NLGN4X: variants seen among roughly 807,000 people sequenced by gnomAD.
NLGN4X encodes the protein neuroligin 4 X-linked, also known as neuroligin-4, X-linked.
NLGN4X carries 3 observed loss-of-function variants against 40.3 expected under a neutral mutation model. That is an observed-to-expected ratio of 0.07 (90% CI 0.03 to 0.19). NLGN4X has a LOEUF of 0.19. Among genes scored for constraint, NLGN4X ranks in the 10% least tolerant of loss-of-function variants. The pLI, the probability that NLGN4X is intolerant of heterozygous loss-of-function variation, is 1.00. For synonymous variants in NLGN4X, 270 were observed against 306.8 expected, an observed-to-expected ratio of 0.88 and a Z score of 1.25; for missense variants, 382 against 708.3, an observed-to-expected ratio of 0.54 and a Z score of 5.23.
Position 6,175,712 on chromosome X carries a change from G to T in NLGN4X, c.-305-23941C>A, listed in dbSNP as rs771064750. On this transcript the variant is annotated intron_variant, in intron 1 of 5. Coordinates refer to ENST00000381095, the MANE Select transcript of NLGN4X (RefSeq NM_181332.3). ...CACCTGAGCAGACAGTTTTCCAAGG[G>T]TGTCTCCAAGGATCATTTAATTTTC... 8.5e-5 allele frequency among the ~76,000 whole-genome samples: 9 copies of T among 105,292 alleles called. No homozygotes were observed. The East Asian group carries it at 2.6e-3, about 31-fold the overall frequency. 91.4% of individuals were successfully genotyped at this position (105,292 alleles called of 115,157 possible).
intron 2 of NLGN4X, among the ~76,000 whole-genome samples, chrX:6,122,996 G>A (rs2039458224): frequency 9.2e-6 from 1 of 108,443 alleles, no homozygotes; most frequent in African/African-American, 3.4e-5. Flanking sequence ...GGAAATAGAA[G>A]TGTTACCAGT....
At chrX:5,898,474 G>A (rs923517203) in intron 5 of NLGN4X, among the ~76,000 whole-genome samples, 1 of 110,473 alleles carries the variant, frequency 9.1e-6, no homozygotes, top group South Asian at 3.9e-4. Context: ...TTCAAACCTA[G>A]ACTAAAGGTC....
intron 2 of NLGN4X, among the ~76,000 whole-genome samples, chrX:6,067,453 C>T (rs2037950284): frequency 9.0e-6 from 1 of 111,644 alleles, no homozygotes; most frequent in African/African-American, 3.3e-5. Flanking sequence ...CACACACACA[C>T]ACACAGACTT....
At chrX:5,991,962 G>A (rs1327681133) in intron 3 of NLGN4X, among the ~76,000 whole-genome samples, 2 of 112,083 alleles carry the variant, frequency 1.8e-5, no homozygotes, top group Non-Finnish European at 3.8e-5. Context: ...CTGATAGAAG[G>A]AGTTTTGTGT....
At chrX:5,971,141 G>GT (rs2035009650) in intron 3 of NLGN4X, among the ~76,000 whole-genome samples, 2 of 111,682 alleles carry the variant, frequency 1.8e-5, no homozygotes, top group African/African-American at 6.5e-5. Context: ...AGAAATAATT[G>GT]TAAGAACCCA....
At chrX:6,221,056 G>A (rs773625883) in intron 1 of NLGN4X, among the ~76,000 whole-genome samples, 1 of 108,711 alleles carries the variant, frequency 9.2e-6, no homozygotes, top group African/African-American at 3.3e-5. Context: ...AACTTTCATT[G>A]TACATTTTCT....
intron 2 of NLGN4X, among the ~76,000 whole-genome samples, chrX:6,083,089 G>T (rs1447515195): frequency 9.8e-6 from 1 of 102,306 alleles, no homozygotes; most frequent in Non-Finnish European, 2.0e-5. Context: ...CTCCCGAGTA[G>T]CTGGGACTAC....
At chrX:6,204,401 T>C (rs1266218956) in intron 1 of NLGN4X, among the ~76,000 whole-genome samples, 1 of 111,975 alleles carries the variant, frequency 8.9e-6, no homozygotes, top group Non-Finnish European at 1.9e-5. Context: ...TCACAGTCCA[T>C]AGCACATGGT....
chrX:6,163,554 C>T (rs1048897897), intron 1 of NLGN4X, among the ~76,000 whole-genome samples: 2 of 112,183 alleles, frequency 1.8e-5, no homozygotes. Flanking sequence ...CTGTGGTCCA[C>T]TGCCTCCCAC....
intron 3 of NLGN4X, among the ~76,000 whole-genome samples, chrX:6,018,362 A>C (rs2036446169): frequency 1.8e-5 from 2 of 112,287 alleles, no homozygotes; most frequent in African/African-American, 6.5e-5. Flanking sequence ...TATTTCTTAA[A>C]ACAAACAGGA....
At chrX:6,009,788 G>A (rs747520887) in intron 3 of NLGN4X, among the ~76,000 whole-genome samples, 14 of 112,268 alleles carry the variant, frequency 1.2e-4, no homozygotes, top group Non-Finnish European at 2.4e-4. Context: ...GGTTGTCCAG[G>A]CCCGTGGGAA....
chrX:5,967,117 C>A (rs762893901), intron 3 of NLGN4X, among the ~76,000 whole-genome samples: 36 of 111,324 alleles, frequency 3.2e-4, no homozygotes, highest in Non-Finnish European at 5.7e-4. Flanking sequence ...CTGTAGTTGA[C>A]AGAATGAGGC....
chrX:6,228,619 G>T lies in NLGN4X; in HGVS notation c.-384C>A, dbSNP rs1193557189. The T allele has an allele frequency of 9.0e-6, 1 of 111,226 alleles. No individual in the cohort carries two copies. The highest frequency in any genetic ancestry group is 1.9e-5 in the Non-Finnish European group (1 of 53,090). 9.2% of individuals were successfully genotyped at this position (111,226 alleles called of 1,213,427 possible). ...ATTTTTCTAGGGAACCCGAAACGAG[G>T]TATGATTCAGGAGGATGTATTGAAA... On this transcript the variant is annotated 5_prime_UTR_variant, in exon 1 of 6. Transcript: ENST00000381095.
intron 3 of NLGN4X, among the ~76,000 whole-genome samples, chrX:5,914,385 A>G (rs924091779): frequency 8.1e-5 from 9 of 111,280 alleles, no homozygotes; most frequent in African/African-American, 2.9e-4. Flanking sequence ...AAGGAACCCA[A>G]TGGGGTCAGA....
chrX:6,042,580 G>A (rs2147262985), intron 2 of NLGN4X, among the ~76,000 whole-genome samples: 1 of 101,260 alleles, frequency 9.9e-6, no homozygotes, highest in East Asian at 3.2e-4. Flanking sequence ...ATTTTTAAAT[G>A]TATGTTTATT....
chrX:5,978,846 C>CT (rs904759162), intron 3 of NLGN4X, among the ~76,000 whole-genome samples: 45 of 111,726 alleles, frequency 4.0e-4, no homozygotes, highest in African/African-American at 1.5e-3. Context: ...TGGCATGCAC[C>CT]TGTAGTCCCA....
intron 3 of NLGN4X, among the ~76,000 whole-genome samples, chrX:6,002,279 G>A (rs2035991495): frequency 8.9e-6 from 1 of 111,829 alleles, no homozygotes; most frequent in African/African-American, 3.3e-5. Context: ...GGTCATATGT[G>A]CCTCATGACC....
intron 3 of NLGN4X, among the ~76,000 whole-genome samples, chrX:5,992,142 G>C (rs895451939): frequency 9.0e-6 from 1 of 111,646 alleles, no homozygotes; most frequent in African/African-American, 3.3e-5. Context: ...TTTAGAGTTG[G>C]ACCTAATGAG....
rs2031216025 is a variant in NLGN4X, at chrX:5,892,257, C to CATACA, written c.*559_*560insTGTAT. 1.5e-5 allele frequency: 2 copies of CATACA among 135,630 alleles called. No individual in the cohort carries two copies. The highest frequency in any genetic ancestry group is 6.4e-5 in the African/African-American group (2 of 31,022). The allele number at this position is 135,630 out of a possible 1,213,427, so 11.2% of individuals were successfully genotyped here. A position where few individuals can be genotyped will look rare whatever the true frequency, so the allele number is the denominator to read the frequency against. ...GGCAAAACACCTCTTTGCACAGAAC[C>CATACA]GTACAGATTTCGCTGCACAGTCCAT... On this transcript the variant is annotated 3_prime_UTR_variant, in exon 6 of 6. Transcript: ENST00000381095.
Sources: allele counts gnomAD v4.1 joint callset (sites outside exome capture counted in the v4.1 genomes callset), GRCh38; gene constraint gnomAD v4.1.1; transcripts MANE v1.5; gene names NCBI Gene and HGNC (gene_info 2026-07-23, HGNC 2026-07-21).